Variants in JAK1 observed in about 807,000 individuals in gnomAD.
JAK1 encodes the protein Janus kinase 1.
In JAK1, 16 loss-of-function variants were observed where a neutral mutation model predicts 136.6. That is an observed-to-expected ratio of 0.12 (90% CI 0.08 to 0.18). The LOEUF is 0.18. Ranked by LOEUF, JAK1 falls within the 10% of genes least tolerant of loss-of-function variation. JAK1 has a pLI of 1.00. For synonymous variants in JAK1, 492 were observed against 519.5 expected (o/e 0.95, Z 0.72); for missense variants, 859 against 1,450.1 (o/e 0.59, Z 6.62).
In JAK1 at chr1:65,060,113, G is replaced by A. The variant is rs1021819968; in HGVS notation, c.-181+7491C>T. Among the ~76,000 whole-genome samples the A allele has an allele frequency of 1.2e-4, 18 of 150,448 alleles. No individual in the cohort carries two copies. The Admixed American group carries it at 1.2e-3, about 10-fold the overall frequency. ...CAACTGTAATACAGAGTTGAAACAC[G>A]AGAGGGCAACGAAGATTAAAGAAAA... On this transcript the variant is annotated intron_variant, in intron 1 of 25. Transcript: ENST00000671954.
chr1:64,955,274 C>G (rs1427358994), intron 1 of JAK1, among the ~76,000 whole-genome samples: 2 of 152,136 alleles, frequency 1.3e-5, no homozygotes, highest in Non-Finnish European at 2.9e-5. Context: ...GAAGCACAGA[C>G]CAGAACACGA....
intron 1 of JAK1, among the ~76,000 whole-genome samples, chr1:64,919,249 G>C (rs1236214171): frequency 6.6e-6 from 1 of 152,138 alleles, no homozygotes. Flanking sequence ...TCCCACCTAT[G>C]AGTCAGAACA....
intron 10 of JAK1, 25 bp from the exon 11 acceptor site, chr1:64,855,723 A>T: frequency 8.1e-6 from 13 of 1,601,948 alleles, no homozygotes; most frequent in Non-Finnish European, 9.4e-6. Flanking sequence ...ACCAGAAATT[A>T]CATGTTTAAA....
Position 64,866,910 on chromosome 1 carries a change from T to G in JAK1, c.946A>C (p.Met316Leu), listed in dbSNP as rs753226169. Residue 316 changes from methionine to leucine, a missense_variant, in exon 7 of 25, where the codon ATG (methionine) becomes CTG (leucine). Transcript: ENST00000342505. The stretch of plus-strand genomic sequence containing the variant: ...TGGATTCCAAGATTCCCAGTCACCA[T>G]CACTTCGTAGTAGAGAACGTTTCCA... The part of the protein sequence containing the change: ...DGGNVLYYEV[M>L]VTGNLGIQWR... 4.3e-6 allele frequency: 7 copies of G among 1,613,350 alleles called. No homozygotes were observed. The African/African-American group carries it at 8.0e-5, about 18-fold the overall frequency.
At chr1:64,873,233 G>T in intron 5 of JAK1, 137 bp downstream of exon 5, 1 of 918,186 alleles carries the variant, frequency 1.1e-6, no homozygotes, top group Non-Finnish European at 1.7e-6. Flanking sequence ...GGCAAGTCCA[G>T]GTGTGGCAAG....
At chr1:64,852,999 C>T (rs1265482586) in intron 11 of JAK1, among the ~76,000 whole-genome samples, 1 of 152,182 alleles carries the variant, frequency 6.6e-6, no homozygotes, top group Non-Finnish European at 1.5e-5. Flanking sequence ...CCGTCACGCC[C>T]ACTCTGAATG....
intron 1 of JAK1, among the ~76,000 whole-genome samples, chr1:64,906,211 T>C (rs1290813723): frequency 6.6e-6 from 1 of 151,998 alleles, no homozygotes; most frequent in East Asian, 1.9e-4. Context: ...GCAGAATTGT[T>C]TGAACCTGGG....
intron 1 of JAK1, among the ~76,000 whole-genome samples, chr1:65,053,887 A>C (rs971389011): frequency 6.6e-6 from 1 of 152,198 alleles, no homozygotes; most frequent in African/African-American, 2.4e-5. Flanking sequence ...TATTCAGAGA[A>C]GCTAGAAATG....
chr1:64,894,286 A>G (rs866945783), intron 1 of JAK1, among the ~76,000 whole-genome samples: 1 of 152,176 alleles, frequency 6.6e-6, no homozygotes, highest in South Asian at 2.1e-4. Flanking sequence ...GGTTGAACCT[A>G]GTTTGCCCTC....
chr1:65,002,377 G>T lies in JAK1; in HGVS notation c.-78+42103C>A, dbSNP rs549821386. The T allele has an allele frequency of 1.2e-4, 18 of 152,318 alleles. 1 individual carries two copies. The highest frequency in any genetic ancestry group is 6.8e-3 in the Middle Eastern group (2 of 294). 9.4% of individuals were successfully genotyped at this position (152,318 alleles called of 1,614,324 possible). ...AAGCCATTTAGTGGCTGATCCAAGG[G>T]AAGTATGAGCTAGTGGCATGTCGAG... On this transcript the variant is annotated intron_variant, in intron 2 of 25. Coordinates refer to the JAK1 transcript ENST00000671954.
intron 2 of JAK1, among the ~76,000 whole-genome samples, chr1:64,999,448 G>A (rs1396182491): frequency 2.0e-5 from 3 of 152,148 alleles, no homozygotes; most frequent in African/African-American, 7.2e-5. Context: ...TTGGTCTCAA[G>A]AAAGTCAGGC....
intron 1 of JAK1, among the ~76,000 whole-genome samples, chr1:64,956,190 A>T (rs1354187122): frequency 6.6e-6 from 1 of 152,174 alleles, no homozygotes; most frequent in Non-Finnish European, 1.5e-5. Context: ...CTTTCCCCTC[A>T]CAAAGTTTTC....
chr1:64,853,065 C>T (rs1178414534), intron 11 of JAK1, among the ~76,000 whole-genome samples: 1 of 152,184 alleles, frequency 6.6e-6, no homozygotes, highest in Non-Finnish European at 1.5e-5. Context: ...TTCTTAGTTG[C>T]ATTTTCAAGT....
intron 2 of JAK1, among the ~76,000 whole-genome samples, chr1:65,025,319 G>T (rs1191117028): frequency 1.3e-5 from 2 of 152,198 alleles, no homozygotes; most frequent in Non-Finnish European, 2.9e-5. Context: ...GGGGAAGAGA[G>T]AGAGTTATCC....
chr1:64,834,870 G>C (rs766022314), intron 24 of JAK1, among the ~76,000 whole-genome samples: 1 of 152,162 alleles, frequency 6.6e-6, no homozygotes, highest in Non-Finnish European at 1.5e-5. Flanking sequence ...AAGCTCAAGG[G>C]TTGACTGGCT....
intron 2 of JAK1, among the ~76,000 whole-genome samples, chr1:64,982,420 T>C (rs1291890100): frequency 1.3e-5 from 2 of 152,158 alleles, no homozygotes; most frequent in South Asian, 2.1e-4. Flanking sequence ...GGCACCACCA[T>C]CCATATTCTT....
intron 2 of JAK1, among the ~76,000 whole-genome samples, chr1:64,991,102 T>A (rs996853598): frequency 6.6e-6 from 1 of 151,928 alleles, no homozygotes; most frequent in Non-Finnish European, 1.5e-5. Flanking sequence ...AGGAAAATAG[T>A]GTATGAACAA....
intron 1 of JAK1, chr1:65,066,923 CA>C (rs1382155703): frequency 6.6e-6 from 1 of 152,320 alleles, no homozygotes; most frequent in Non-Finnish European, 1.5e-5. Context: ...TTTACACACA[CA>C]CCCCGCCCCT....
intron 3 of JAK1, among the ~76,000 whole-genome samples, chr1:64,882,825 G>A (rs892149428): frequency 2.6e-5 from 4 of 152,188 alleles, no homozygotes; most frequent in Non-Finnish European, 4.4e-5. Context: ...AGTCACGGCA[G>A]CAGAAGGAGG....
Sources: gnomAD v4.1 joint callset for allele counts (sites outside exome capture counted in the v4.1 genomes callset) on GRCh38, gnomAD v4.1.1 for gene constraint, MANE v1.5 for transcripts, NCBI Gene and HGNC (gene_info 2026-07-23, HGNC 2026-07-21) for gene names.